DYNC1I1: variants seen among roughly 807,000 people sequenced by gnomAD.
DYNC1I1 encodes dynein cytoplasmic 1 intermediate chain 1.
A neutral mutation model predicts 86.6 loss-of-function variants in DYNC1I1; 43 were observed. That is an observed-to-expected ratio of 0.50 (90% CI 0.39 to 0.64). The LOEUF is 0.64. Ranked by LOEUF, DYNC1I1 falls within the 30% of genes least tolerant of loss-of-function variation. The pLI is 0.00. For synonymous variants in DYNC1I1, 262 were observed against 283.7 expected, an observed-to-expected ratio of 0.92 and a Z score of 0.77; for missense variants, 604 against 788.8, an observed-to-expected ratio of 0.77 and a Z score of 2.81.
intron 6 of DYNC1I1, among the ~76,000 whole-genome samples, chr7:95,953,510 C>T: frequency 6.6e-6 from 1 of 152,120 alleles, no homozygotes; most frequent in Non-Finnish European, 1.5e-5. Context: ...CAAAACAGAT[C>T]AGACATTACA....
intron 16 of DYNC1I1, among the ~76,000 whole-genome samples, chr7:96,084,711 C>A (rs1790628538): frequency 6.6e-6 from 1 of 152,070 alleles, no homozygotes. Flanking sequence ...ATTTGAGCCA[C>A]TGCACCCTGC....
intron 6 of DYNC1I1, among the ~76,000 whole-genome samples, chr7:95,958,440 T>A (rs1792776395): frequency 6.6e-6 from 1 of 152,032 alleles, no homozygotes; most frequent in Admixed American, 6.6e-5. Context: ...ATGTTTTTTT[T>A]AAAACATTGG....
intron 16 of DYNC1I1, among the ~76,000 whole-genome samples, chr7:96,082,041 TG>T (rs1383996066): frequency 6.6e-6 from 1 of 152,194 alleles, no homozygotes; most frequent in African/African-American, 2.4e-5. Context: ...GCCCCAGTGG[TG>T]AAGATGCAAA....
chr7:96,021,729 A>G (rs1190637118), intron 10 of DYNC1I1, among the ~76,000 whole-genome samples: 1 of 152,172 alleles, frequency 6.6e-6, no homozygotes, highest in Admixed American at 6.5e-5. Flanking sequence ...GGATTTGCCT[A>G]TTCTGGACAT....
At chr7:95,906,344 G>A (rs954842238) in intron 6 of DYNC1I1, among the ~76,000 whole-genome samples, 6 of 152,152 alleles carry the variant, frequency 3.9e-5, no homozygotes, top group Non-Finnish European at 8.8e-5. Flanking sequence ...CACTGCATAT[G>A]ATATTCGTAA....
intron 1 of DYNC1I1, among the ~76,000 whole-genome samples, chr7:95,786,902 G>T (rs1270318548): frequency 6.6e-6 from 1 of 152,098 alleles, no homozygotes; most frequent in Non-Finnish European, 1.5e-5. Context: ...ATGTGTGTGG[G>T]TACACACTCG....
At chr7:95,893,723 T>C (rs1353373365) in intron 6 of DYNC1I1, among the ~76,000 whole-genome samples, 1 of 152,200 alleles carries the variant, frequency 6.6e-6, no homozygotes, top group African/African-American at 2.4e-5. Context: ...TGAGGAATAA[T>C]GCAGCCAGAC....
intron 14 of DYNC1I1, among the ~76,000 whole-genome samples, chr7:96,065,383 T>TC (rs1789942964): frequency 6.7e-6 from 1 of 148,274 alleles, no homozygotes; most frequent in African/African-American, 2.5e-5. Flanking sequence ...TCTTTCTTTT[T>TC]TTTTTTTTTT....
chr7:96,104,974 G>T (rs941822084), intron 16 of DYNC1I1, among the ~76,000 whole-genome samples: 1 of 152,078 alleles, frequency 6.6e-6, no homozygotes, highest in Non-Finnish European at 1.5e-5. Context: ...TGCCATCCAA[G>T]AATAGAATAT....
chr7:95,861,616 AAT>A (rs1491428310), intron 5 of DYNC1I1, among the ~76,000 whole-genome samples: 1 of 77,650 alleles, frequency 1.3e-5, no homozygotes, highest in Non-Finnish European at 3.4e-5. Flanking sequence ...CTCTTTTTGC[AAT>A]TTTTTTTTTT....
chr7:95,976,958 A>G (rs1317857436), intron 6 of DYNC1I1, among the ~76,000 whole-genome samples: 4 of 152,156 alleles, frequency 2.6e-5, no homozygotes, highest in Non-Finnish European at 4.4e-5. Flanking sequence ...ATGTGTAAAT[A>G]CCATTTTGAG....
intron 15 of DYNC1I1, 79 bp from the exon 16 acceptor site, chr7:96,080,284 G>A (rs1490004157): frequency 1.3e-6 from 2 of 1,493,978 alleles, no homozygotes; most frequent in Admixed American, 2.4e-5. Context: ...GACTCATCCA[G>A]TTAAACGTAT....
intron 9 of DYNC1I1, among the ~76,000 whole-genome samples, chr7:95,994,706 G>C (rs1231887070): frequency 6.6e-6 from 1 of 152,134 alleles, no homozygotes; most frequent in Non-Finnish European, 1.5e-5. Flanking sequence ...TGAAAGTAAT[G>C]ATGAGCCATT....
At chr7:95,992,760 C>A (rs1394821197) in intron 9 of DYNC1I1, among the ~76,000 whole-genome samples, 1 of 152,058 alleles carries the variant, frequency 6.6e-6, no homozygotes, top group Non-Finnish European at 1.5e-5. Context: ...GCTGGGATTA[C>A]AGGCACACAC....
chr7:95,843,749 G>A (rs1789352232), intron 5 of DYNC1I1, among the ~76,000 whole-genome samples: 1 of 152,116 alleles, frequency 6.6e-6, no homozygotes, highest in Non-Finnish European at 1.5e-5. Context: ...GAGAAAATAA[G>A]TGCAACTCAA....
intron 10 of DYNC1I1, among the ~76,000 whole-genome samples, chr7:95,998,108 C>G (rs1016930319): frequency 2.6e-5 from 4 of 152,198 alleles, no homozygotes; most frequent in Admixed American, 2.0e-4. Flanking sequence ...TTTCCCAACA[C>G]TTCTGCCTTC....
chr7:96,097,874 G>C lies in DYNC1I1; in HGVS notation c.*281G>C, dbSNP rs532370057. The stretch of plus-strand genomic sequence containing the variant: ...GCTGCCTTTTAACTACTTTGTAGCT[G>C]TATTTAATAGCTGGAAACCTCTGGT... On this transcript the variant is annotated 3_prime_UTR_variant, in exon 17 of 17. Coordinates refer to ENST00000447467, the MANE Select transcript of DYNC1I1 (RefSeq NM_001135556.2). 3.6e-6 allele frequency: 4 copies of C among 1,124,280 alleles called. No individual in the cohort carries two copies. The East Asian group carries it at 1.6e-4, about 44-fold the overall frequency. 69.6% of individuals were successfully genotyped at this position (1,124,280 alleles called of 1,614,324 possible).
chr7:95,818,626 A>T, intron 4 of DYNC1I1: 1 of 550,478 alleles, frequency 1.8e-6, no homozygotes, highest in South Asian at 2.7e-5. Flanking sequence ...GATTACAGGC[A>T]GGACCCATTG....
chr7:96,026,952 G>A (rs1331792813), intron 10 of DYNC1I1, among the ~76,000 whole-genome samples: 2 of 152,182 alleles, frequency 1.3e-5, no homozygotes, highest in East Asian at 3.8e-4. Flanking sequence ...CTGCTACTTG[G>A]GTGTGCAAGT....
Sources: gnomAD v4.1 joint callset for allele counts (sites outside exome capture counted in the v4.1 genomes callset) on GRCh38, gnomAD v4.1.1 for gene constraint, MANE v1.5 for transcripts, NCBI Gene and HGNC (gene_info 2026-07-23, HGNC 2026-07-21) for gene names.